Variants in NKAIN2 observed in about 807,000 individuals in gnomAD.
NKAIN2 encodes the protein sodium/potassium transporting ATPase interacting 2, also known as sodium/potassium-transporting ATPase subunit beta-1-interacting protein 2.
NKAIN2 carries 14 observed loss-of-function variants against 32.6 expected under a neutral mutation model. The ratio of observed to expected loss-of-function variants is 0.43; its 90% CI spans 0.28 to 0.67. The LOEUF (loss-of-function observed/expected upper bound fraction) is 0.67, where lower values mean the gene tolerates loss of function less well. Ranked by LOEUF, NKAIN2 falls within the 30% of genes least tolerant of loss-of-function variation. NKAIN2 has a pLI of 0.17. For synonymous variants in NKAIN2, 80 were observed against 87.2 expected, an observed-to-expected ratio of 0.92 and a Z score of 0.46; for missense variants, 198 against 258.3, an observed-to-expected ratio of 0.77 and a Z score of 1.60.
At chr6:124,106,422 AAGAT>A (rs1234900820) in intron 1 of NKAIN2, among the ~76,000 whole-genome samples, 9 of 152,222 alleles carry the variant, frequency 5.9e-5, no homozygotes, top group African/African-American at 2.2e-4. Context: ...AAGATGAAAT[AAGAT>A]AGAGGTTTGT....
At chr6:124,670,772 T>G (rs892216473) in intron 4 of NKAIN2, among the ~76,000 whole-genome samples, 5 of 151,922 alleles carry the variant, frequency 3.3e-5, no homozygotes, top group Non-Finnish European at 7.4e-5. Flanking sequence ...GGTGGTTTGT[T>G]GCCTGGCTTT....
intron 1 of NKAIN2, among the ~76,000 whole-genome samples, chr6:124,146,862 A>T (rs777612477): frequency 6.6e-6 from 1 of 152,210 alleles, no homozygotes; most frequent in African/African-American, 2.4e-5. Context: ...AAAGCAAGGG[A>T]AATTATAAAA....
chr6:124,151,929 G>A (rs184044989), intron 1 of NKAIN2, among the ~76,000 whole-genome samples: 31 of 151,500 alleles, frequency 2.0e-4, no homozygotes, highest in East Asian at 1.6e-3. Flanking sequence ...TGCCTTTTTC[G>A]TACACTATCT....
At position 124,211,556 on chromosome 6, in the gene NKAIN2, G is replaced by C. The variant is rs141337437; in HGVS notation, c.55-71449G>C. Among the ~76,000 whole-genome samples, 174 of 152,048 alleles carry C rather than the reference G, an allele frequency of 1.1e-3. 1 individual carries two copies. Among genetic ancestry groups the C allele is most frequent in the African/African-American group, 4.0e-3 (165 of 41,562 alleles). On this transcript the variant is annotated intron_variant, in intron 1 of 6. Transcript: ENST00000368417. ...ATTAAATGTAAATGTTTGGTGGTAT[G>C]ATCTGTTAGATCTTGGAAATGTCTA...
chr6:124,794,778 T>G (rs1779928129), intron 5 of NKAIN2: 1 of 459,890 alleles, frequency 2.2e-6, no homozygotes, highest in African/African-American at 2.1e-5. Flanking sequence ...TATGAGTATC[T>G]TTTGGTTACA....
chr6:124,269,930 C>T (rs1051529261), intron 1 of NKAIN2, among the ~76,000 whole-genome samples: 7 of 152,146 alleles, frequency 4.6e-5, no homozygotes, highest in Admixed American at 6.5e-5. Flanking sequence ...TTGAATTTTA[C>T]GAAAGAGACG....
intron 2 of NKAIN2, among the ~76,000 whole-genome samples, chr6:124,346,073 G>A (rs1798406923): frequency 6.6e-6 from 1 of 151,970 alleles, no homozygotes; most frequent in African/African-American, 2.4e-5. Context: ...CTTTATTTCT[G>A]CCTTCATTTC....
At chr6:123,867,715 A>G (rs1030828365) in intron 1 of NKAIN2, among the ~76,000 whole-genome samples, 1 of 152,188 alleles carries the variant, frequency 6.6e-6, no homozygotes, top group Non-Finnish European at 1.5e-5. Context: ...TCATCATTCA[A>G]GATTTACCTC....
At chr6:124,323,786 T>TTTC (rs1325274205) in intron 2 of NKAIN2, among the ~76,000 whole-genome samples, 48 of 143,794 alleles carry the variant, frequency 3.3e-4, no homozygotes, top group Middle Eastern at 3.5e-3. Flanking sequence ...AATTTTTTCT[T>TTTC]TTTTTTTTTT....
chr6:124,753,505 A>T (rs954357849), intron 4 of NKAIN2, among the ~76,000 whole-genome samples: 1 of 152,170 alleles, frequency 6.6e-6, no homozygotes, highest in Non-Finnish European at 1.5e-5. Flanking sequence ...CACCTGGAGA[A>T]AAATGGCTTA....
intron 1 of NKAIN2, among the ~76,000 whole-genome samples, chr6:124,151,548 T>A (rs533261818): frequency 6.6e-6 from 1 of 152,170 alleles, no homozygotes; most frequent in South Asian, 2.1e-4. Flanking sequence ...GTATAACAAG[T>A]GTAATTGCTA....
chr6:124,146,812 G>T (rs1011737288), intron 1 of NKAIN2, among the ~76,000 whole-genome samples: 12 of 152,100 alleles, frequency 7.9e-5, no homozygotes, highest in African/African-American at 2.9e-4. Flanking sequence ...AATGCATACT[G>T]TTTAGGAATA....
intron 3 of NKAIN2, among the ~76,000 whole-genome samples, chr6:124,436,557 A>G (rs1046863459): frequency 6.6e-6 from 1 of 152,168 alleles, no homozygotes. Flanking sequence ...TAGAACTTTT[A>G]ATCCCAGAAC....
intron 4 of NKAIN2, among the ~76,000 whole-genome samples, chr6:124,685,589 G>A (rs1773830677): frequency 6.6e-6 from 1 of 152,024 alleles, no homozygotes; most frequent in Admixed American, 6.6e-5. Context: ...ACGATAAAAT[G>A]CACAATGAAA....
At chr6:124,815,644 A>G (rs749961977) in intron 5 of NKAIN2, among the ~76,000 whole-genome samples, 4 of 152,076 alleles carry the variant, frequency 2.6e-5, no homozygotes, top group Admixed American at 6.6e-5. Context: ...TACTGTTTAT[A>G]TTAGCTAAGG....
At chr6:123,871,419 A>G (rs1159258649) in intron 1 of NKAIN2, among the ~76,000 whole-genome samples, 2 of 152,182 alleles carry the variant, frequency 1.3e-5, no homozygotes, top group African/African-American at 2.4e-5. Flanking sequence ...TCAATTAGCC[A>G]TAGTCTGACC....
intron 3 of NKAIN2, among the ~76,000 whole-genome samples, chr6:124,562,132 C>A (rs1780718554): frequency 6.6e-6 from 1 of 152,154 alleles, no homozygotes. Context: ...TAACAATCAA[C>A]ATAAATTCCT....
chr6:123,926,833 A>T (rs1216077103), intron 1 of NKAIN2, among the ~76,000 whole-genome samples: 1 of 152,198 alleles, frequency 6.6e-6, no homozygotes, highest in Non-Finnish European at 1.5e-5. Flanking sequence ...TAGTGTTTAA[A>T]GTCCTTCATA....
At chr6:124,315,722 C>T (rs986100647) in intron 2 of NKAIN2, among the ~76,000 whole-genome samples, 9 of 152,114 alleles carry the variant, frequency 5.9e-5, no homozygotes, top group South Asian at 4.1e-4. Context: ...GCTAGGTGTC[C>T]TTGCTTTTGC....
Sources: gnomAD v4.1 joint callset for allele counts (sites outside exome capture counted in the v4.1 genomes callset) on GRCh38, gnomAD v4.1.1 for gene constraint, MANE v1.5 for transcripts, NCBI Gene and HGNC (gene_info 2026-07-23, HGNC 2026-07-21) for gene names.